Variants in ZDHHC24 observed in about 807,000 individuals in gnomAD.
The protein encoded by ZDHHC24 is probable palmitoyltransferase ZDHHC24.
ZDHHC24 carries 17 observed loss-of-function variants against 23.2 expected under a neutral mutation model. The observed-to-expected ratio is 0.73, with a 90% CI of 0.50 to 1.10. ZDHHC24 has a LOEUF of 1.10. ZDHHC24 is among the 50% of genes least tolerant of loss of function. The probability of loss-of-function intolerance (pLI) is 0.00; values close to 1 mark genes in which losing one functional copy is unlikely to be tolerated. For missense variants in ZDHHC24, 366 were observed against 393.0 expected (o/e 0.93, Z 0.58); for synonymous variants, 186 against 194.5 (o/e 0.96, Z 0.36).
intron 4 of ZDHHC24, chr11:66,526,764 G>A: frequency 6.2e-7 from 1 of 1,614,232 alleles, no homozygotes; most frequent in Non-Finnish European, 8.5e-7. Context: ...GAAAGACCCG[G>A]CTTTACGTGG....
At chr11:66,532,348 T>C (rs1320848808), downstream of ZDHHC24, 4 of 426,846 alleles carry the variant, frequency 9.4e-6, no homozygotes, top group East Asian at 4.3e-5. Context: ...GCGGTCAAAG[T>C]GAGCTGAGCA....
At chr11:66,524,000 C>T (rs1856371722) in intron 4 of ZDHHC24, 1 of 1,440,170 alleles carries the variant, frequency 6.9e-7, no homozygotes, top group Non-Finnish European at 9.5e-7. Context: ...TTTGTTGAGG[C>T]CAGGCACAGT....
exon 3 of ZDHHC24, chr11:66,529,419 C>T (rs750144926): frequency 1.4e-5 from 14 of 1,017,646 alleles, no homozygotes; most frequent in Middle Eastern, 4.0e-4. Flanking sequence ...GAGACACATG[C>T]ACAATATCGA....
chr11:66,521,169 T>C (rs960183747), exon 5 of ZDHHC24: 10 of 876,596 alleles, frequency 1.1e-5, no homozygotes, highest in Non-Finnish European at 1.7e-5. Flanking sequence ...AGTGAGGAGA[T>C]TGGGACTTTA....
chr11:66,539,843 G>A lies in ZDHHC24; in HGVS notation c.560-19C>T, dbSNP rs923989243. On this transcript the variant is annotated intron_variant, in intron 2 of 2. Coordinates refer to ENST00000310442, the MANE Select transcript of ZDHHC24 (RefSeq NM_207340.3). ...ACTCTGCCTGCAATAAAAGAGCAGA[G>A]AGGGTCAGGGAGGGGCAGTGGGGTC... 8 of 1,557,576 alleles carry A rather than the reference G, an allele frequency of 5.1e-6. No homozygotes were observed. The highest frequency in any genetic ancestry group is 4.7e-5 in the East Asian group (2 of 42,982).
In ZDHHC24 at chr11:66,529,820, C is replaced by T. The variant is rs934613283; in HGVS notation, c.560-332G>A. On this transcript the variant is annotated intron_variant, in intron 2 of 4. Coordinates refer to the ZDHHC24 transcript ENST00000526986. ...AGCCTCTGGGACCCTTCTCCACAGC[C>T]ATGCACCGGGCCTTCCAGACAGACC... 4.3e-6 allele frequency: 7 copies of T among 1,611,040 alleles called. No homozygotes were observed. The highest frequency in any genetic ancestry group is 5.9e-6 in the Non-Finnish European group (7 of 1,179,998).
downstream of ZDHHC24, chr11:66,530,888 C>T: frequency 6.2e-7 from 1 of 1,614,190 alleles, no homozygotes; most frequent in South Asian, 1.1e-5. Flanking sequence ...CCCACCCTCT[C>T]CATAGGTTCA....
chr11:66,533,275 A>G (rs1387277042), downstream of ZDHHC24: 1 of 152,158 alleles, frequency 6.6e-6, no homozygotes, highest in Non-Finnish European at 1.5e-5. Flanking sequence ...ACACATACCC[A>G]CTTACTAATG....
chr11:66,521,094 G>GTCC, exon 5 of ZDHHC24: 1 of 667,428 alleles, frequency 1.5e-6, no homozygotes, highest in Non-Finnish European at 2.7e-6. Flanking sequence ...CAGACTAAAA[G>GTCC]GCTTTTGCTA....
chr11:66,522,773 G>A (rs1463147266), intron 4 of ZDHHC24: 4 of 252,944 alleles, frequency 1.6e-5, no homozygotes, highest in Admixed American at 5.2e-5. Flanking sequence ...GAAGACAGAT[G>A]TATTAAAGTG....
intron 4 of ZDHHC24, among the ~76,000 whole-genome samples, chr11:66,525,050 A>C (rs1018210122): frequency 1.3e-5 from 2 of 152,130 alleles, no homozygotes; most frequent in Non-Finnish European, 2.9e-5. Flanking sequence ...AATACAAAAA[A>C]TTAGCCGGGC....
At chr11:66,524,912 G>A (rs1298239510) in intron 4 of ZDHHC24, among the ~76,000 whole-genome samples, 7 of 151,698 alleles carry the variant, frequency 4.6e-5, no homozygotes, top group African/African-American at 7.3e-5. Context: ...CAAATTAGCC[G>A]GGTATGGGCC....
intron 4 of ZDHHC24, among the ~76,000 whole-genome samples, chr11:66,525,811 A>G (rs987600414): frequency 2.6e-5 from 4 of 152,166 alleles, no homozygotes; most frequent in Admixed American, 6.6e-5. Context: ...GACCAGACAT[A>G]TTTGTGTTTT....
chr11:66,523,972 T>G (rs1856370408), intron 4 of ZDHHC24: 4 of 1,562,362 alleles, frequency 2.6e-6, no homozygotes, highest in South Asian at 2.2e-5. Flanking sequence ...GACCACACAT[T>G]GATGCATTTC....
At chr11:66,532,005 A>G (rs1318619121), downstream of ZDHHC24, 3 of 1,608,316 alleles carry the variant, frequency 1.9e-6, no homozygotes, top group Non-Finnish European at 2.5e-6. Context: ...CCACGTCAAC[A>G]TGCCTGGGAG....
intron 4 of ZDHHC24, chr11:66,523,969 C>A: frequency 6.4e-7 from 1 of 1,562,542 alleles, no homozygotes; most frequent in Non-Finnish European, 8.7e-7. Flanking sequence ...TCCGACCACA[C>A]ATTGATGCAT....
chr11:66,532,145 G>A (rs570234503), downstream of ZDHHC24: 11 of 1,215,570 alleles, frequency 9.0e-6, no homozygotes, highest in Admixed American at 4.4e-5. Flanking sequence ...GCGACAGCTC[G>A]TCTCCCCTCT....
chr11:66,524,072 G>T, intron 4 of ZDHHC24: 1 of 812,332 alleles, frequency 1.2e-6, no homozygotes, highest in East Asian at 2.7e-5. Flanking sequence ...CTGAGGTAAG[G>T]AGTTCAAAAC....
At chr11:66,520,932 T>C (rs1856188490), downstream of ZDHHC24, 1 of 369,206 alleles carries the variant, frequency 2.7e-6, no homozygotes, top group African/African-American at 2.1e-5. Context: ...TTGGACAGGC[T>C]GGTCTTGAAC....
Sources: gnomAD v4.1 joint callset for allele counts (sites outside exome capture counted in the v4.1 genomes callset) on GRCh38, gnomAD v4.1.1 for gene constraint, MANE v1.5 for transcripts, NCBI Gene and HGNC (gene_info 2026-07-23, HGNC 2026-07-21) for gene names.